The following CDK14 variants were observed in gnomAD, a reference collection of about 807,000 sequenced individuals.
CDK14 encodes cyclin dependent kinase 14, also known as cyclin-dependent kinase 14.
In CDK14, 34 loss-of-function variants were observed where a neutral mutation model predicts 60.7. The observed-to-expected ratio is 0.56, with a 90% CI of 0.43 to 0.75. The LOEUF (loss-of-function observed/expected upper bound fraction) is 0.75. Ranked by LOEUF, CDK14 falls within the 30% of genes least tolerant of loss-of-function variation. CDK14 has a pLI of 0.00. For missense variants in CDK14, 482 were observed against 564.1 expected (o/e 0.85, Z 1.47); for synonymous variants, 197 against 203.7 (o/e 0.97, Z 0.28).
At chr7:91,196,060 A>AGTG (rs1019179749) in intron 14 of CDK14, among the ~76,000 whole-genome samples, 1 of 152,186 alleles carries the variant, frequency 6.6e-6, no homozygotes, top group Non-Finnish European at 1.5e-5. Flanking sequence ...TCCTCACTGC[A>AGTG]GTGGCACCTC....
At chr7:91,197,784 C>T (rs1483342533) in intron 14 of CDK14, among the ~76,000 whole-genome samples, 1 of 152,194 alleles carries the variant, frequency 6.6e-6, no homozygotes, top group Non-Finnish European at 1.5e-5. Context: ...TTTGACAGCT[C>T]ATCTTGGATT....
chr7:91,025,374 G>A (rs1050495874), intron 10 of CDK14, among the ~76,000 whole-genome samples: 1 of 152,064 alleles, frequency 6.6e-6, no homozygotes, highest in Non-Finnish European at 1.5e-5. Context: ...ATATTAAAAG[G>A]CATCTTGGGG....
chr7:90,623,273 T>G (rs902296924), intron 2 of CDK14, among the ~76,000 whole-genome samples: 2 of 152,188 alleles, frequency 1.3e-5, no homozygotes, highest in African/African-American at 4.8e-5. Flanking sequence ...AGAGTGGATC[T>G]GTGCCCTTCT....
chr7:91,098,288 C>T (rs1799055201), intron 12 of CDK14, among the ~76,000 whole-genome samples: 1 of 152,092 alleles, frequency 6.6e-6, no homozygotes, highest in Admixed American at 6.6e-5. Context: ...AATATTCTCT[C>T]ATTTTGATAT....
intron 5 of CDK14, among the ~76,000 whole-genome samples, chr7:90,795,044 C>G (rs1394363875): frequency 6.6e-6 from 1 of 152,026 alleles, no homozygotes; most frequent in Non-Finnish European, 1.5e-5. Context: ...TTTTTAATGT[C>G]TTACTGAGCA....
At chr7:90,699,344 T>C (rs1801733797) in intron 2 of CDK14, among the ~76,000 whole-genome samples, 1 of 152,192 alleles carries the variant, frequency 6.6e-6, no homozygotes, top group East Asian at 1.9e-4. Context: ...TAAACATACA[T>C]TATGCTTATC....
At chr7:91,175,076 A>G (rs1157633874) in intron 14 of CDK14, among the ~76,000 whole-genome samples, 3 of 146,482 alleles carry the variant, frequency 2.0e-5, no homozygotes, top group Admixed American at 2.0e-4. Context: ...GGTTACCCTC[A>G]AAGGGAAGCC....
At chr7:90,906,960 C>T (rs1316023324) in intron 7 of CDK14, among the ~76,000 whole-genome samples, 3 of 152,024 alleles carry the variant, frequency 2.0e-5, no homozygotes, top group Non-Finnish European at 4.4e-5. Flanking sequence ...TAATTGCTTA[C>T]AAAATGTGTC....
At chr7:90,606,073 A>T (rs1457315457) in intron 2 of CDK14, among the ~76,000 whole-genome samples, 1 of 152,190 alleles carries the variant, frequency 6.6e-6, no homozygotes, top group East Asian at 1.9e-4. Context: ...GCCACAAGAG[A>T]TTGTAAACTA....
At chr7:90,863,140 C>T (rs373706220) in intron 5 of CDK14, 35 bp from the exon 6 acceptor site, 86 of 1,176,534 alleles carry the variant, frequency 7.3e-5, no homozygotes, top group Admixed American at 2.8e-4. Context: ...TTGTTATCCA[C>T]GATAAATTGT....
Position 90,798,773 on chromosome 7 carries a change from GTGTGT to G in CDK14, c.544+8122_544+8126del, listed in dbSNP as rs576417716. Among the ~76,000 whole-genome samples the G allele has an allele frequency of 1.4e-3, 215 of 152,344 alleles. 3 individuals carry two copies. In the Middle Eastern group the frequency reaches 0.024, roughly 17 times the overall value. On this transcript the variant is annotated intron_variant, in intron 5 of 14. Coordinates refer to ENST00000380050, the MANE Select transcript of CDK14 (RefSeq NM_001287135.2). ...GAATTTTATCTCTCATTGAGCTAGA[GTGTGT>G]AATGGATTAATTCAAGTTCAGGCGC... is the stretch of plus-strand genomic sequence containing the variant.
At chr7:90,841,554 A>C (rs2117146931) in intron 5 of CDK14, among the ~76,000 whole-genome samples, 1 of 151,888 alleles carries the variant, frequency 6.6e-6, no homozygotes, top group Admixed American at 6.6e-5. Flanking sequence ...CTTTTTTGTT[A>C]GTTGCCCATA....
intron 12 of CDK14, among the ~76,000 whole-genome samples, chr7:91,096,514 C>T (rs899137774): frequency 6.6e-6 from 1 of 151,976 alleles, no homozygotes; most frequent in Non-Finnish European, 1.5e-5. Context: ...TTAAGCTTCT[C>T]CCAGATTCCT....
At chr7:90,600,642 A>AT (rs1427764528) in intron 1 of CDK14, among the ~76,000 whole-genome samples, 1 of 152,250 alleles carries the variant, frequency 6.6e-6, no homozygotes, top group Admixed American at 6.5e-5. Flanking sequence ...TGACGAATTC[A>AT]TTATGTCAGA....
chr7:90,888,221 G>T (rs1047960209), intron 6 of CDK14, among the ~76,000 whole-genome samples: 1 of 151,970 alleles, frequency 6.6e-6, no homozygotes, highest in Non-Finnish European at 1.5e-5. Context: ...ATGGTGGCTT[G>T]TGCCTGTAGT....
intron 14 of CDK14, among the ~76,000 whole-genome samples, chr7:91,170,719 C>T (rs1379544713): frequency 2.7e-5 from 4 of 149,118 alleles, no homozygotes; most frequent in Non-Finnish European, 5.9e-5. Context: ...AACCAATTAA[C>T]TTTTACAAAA....
At chr7:91,038,846 C>T (rs1797003860) in intron 10 of CDK14, among the ~76,000 whole-genome samples, 1 of 152,208 alleles carries the variant, frequency 6.6e-6, no homozygotes, top group Non-Finnish European at 1.5e-5. Flanking sequence ...TTGCCGGCCA[C>T]CATCCATATA....
chr7:90,972,153 TG>T (rs1418695009), intron 9 of CDK14, among the ~76,000 whole-genome samples: 8 of 152,230 alleles, frequency 5.3e-5, no homozygotes, highest in Non-Finnish European at 1.2e-4. Flanking sequence ...TTTTCTAAGA[TG>T]GGCTTTTACC....
intron 2 of CDK14, among the ~76,000 whole-genome samples, chr7:90,704,260 C>T (rs1801848101): frequency 6.6e-6 from 1 of 152,188 alleles, no homozygotes; most frequent in Non-Finnish European, 1.5e-5. Context: ...CTTGCTATAG[C>T]TCTAGCTTTG....
Sources: allele counts gnomAD v4.1 joint callset (sites outside exome capture counted in the v4.1 genomes callset), GRCh38; gene constraint gnomAD v4.1.1; transcripts MANE v1.5; gene names NCBI Gene and HGNC (gene_info 2026-07-23, HGNC 2026-07-21).